MARCHF2: variants seen among roughly 807,000 people sequenced by gnomAD.
MARCHF2 encodes the protein membrane associated ring-CH-type finger 2.
Under a neutral mutation model 24.0 loss-of-function variants are expected in MARCHF2, and 22 were observed. The observed-to-expected ratio is 0.92, with a 90% CI of 0.66 to 1.31. The LOEUF (loss-of-function observed/expected upper bound fraction) is 1.31. Among genes scored for constraint, MARCHF2 ranks in the 50% most tolerant of loss-of-function variants. The pLI is 0.00. For missense variants in MARCHF2, 301 were observed against 335.3 expected (o/e 0.90, Z 0.80); for synonymous variants, 154 against 153.0 (o/e 1.01, Z -0.05).
Position 8,422,593 on chromosome 19 carries a change from A to G in MARCHF2, c.176+577A>G, listed in dbSNP as rs541039566. On this transcript the variant is annotated intron_variant, in intron 2 of 4. Transcript: ENST00000215555. ...CTTCTAGCAGAGACGGGGTTTCGCC[A>G]TGTTGGCCAGGCTGGTCTCAAACTC... Among the ~76,000 whole-genome samples, 8 of 151,278 alleles carry G rather than the reference A, an allele frequency of 5.3e-5. No homozygotes were observed. The South Asian group carries it at 1.7e-3, about 32-fold the overall frequency.
At chr19:8,424,796 G>T (rs376974771) in intron 2 of MARCHF2, among the ~76,000 whole-genome samples, 1 of 152,146 alleles carries the variant, frequency 6.6e-6, no homozygotes, top group Non-Finnish European at 1.5e-5. Flanking sequence ...CCTTGTGGCC[G>T]ACAGTTCTGG....
intron 4 of MARCHF2, among the ~76,000 whole-genome samples, chr19:8,433,207 G>C (rs948646966): frequency 1.3e-5 from 2 of 151,064 alleles, no homozygotes; most frequent in Admixed American, 1.3e-4. Flanking sequence ...GATAGAGCCT[G>C]ACCTTGTCTC....
intron 1 of MARCHF2, among the ~76,000 whole-genome samples, chr19:8,414,915 G>A (rs1453784464): frequency 6.6e-6 from 1 of 152,204 alleles, no homozygotes; most frequent in African/African-American, 2.4e-5. Flanking sequence ...GGCATAGCCA[G>A]GAGGGCCAGG....
Position 8,438,712 on chromosome 19 carries a change from G to T in MARCHF2, c.*166G>T. 5.1e-6 allele frequency: 3 copies of T among 593,398 alleles called. No individual in the cohort carries two copies. Among genetic ancestry groups the T allele is most frequent in the Non-Finnish European group, 8.5e-6 (3 of 351,824 alleles). The allele number at this position is 593,398 out of a possible 1,614,324, so 36.8% of individuals were successfully genotyped here. A position where few individuals can be genotyped will look rare whatever the true frequency, so the allele number is the denominator to read the frequency against. On this transcript the variant is annotated 3_prime_UTR_variant, in exon 5 of 5. Transcript: ENST00000215555. The stretch of plus-strand genomic sequence containing the variant: ...TGCAGAGCCTAGTCTGTGATCCTGT[G>T]TGAAGATATTTTCAGGGTTTTTTTT...
At position 8,426,425 on chromosome 19, in the gene MARCHF2, C is replaced by A. The variant is rs567662751; in HGVS notation, c.177-184C>A. On this transcript the variant is annotated intron_variant, in intron 2 of 4. Coordinates refer to ENST00000215555, the MANE Select transcript of MARCHF2 (RefSeq NM_001005415.2). Reference sequence around the variant, plus strand: ...CCTGTGGGAGTCTGGGAAGGCTTCGCAAGGTTACCTTCCCTGCATCTCCTT... The same window carrying A: ...CCTGTGGGAGTCTGGGAAGGCTTCGAAAGGTTACCTTCCCTGCATCTCCTT... Among the ~76,000 whole-genome samples the A allele has an allele frequency of 4.6e-3, 698 of 151,812 alleles. 1 individual carries two copies. Among genetic ancestry groups the A allele is most frequent in the Non-Finnish European group, 6.7e-3 (453 of 67,934 alleles).
intron 1 of MARCHF2, among the ~76,000 whole-genome samples, chr19:8,415,323 G>C (rs1375077792): frequency 6.6e-6 from 1 of 151,312 alleles, no homozygotes; most frequent in Non-Finnish European, 1.5e-5. Context: ...GGGGGCGGTG[G>C]AAGCTTCAGT....
At chr19:8,431,076 G>C (rs1011559053) in intron 4 of MARCHF2, among the ~76,000 whole-genome samples, 4 of 152,290 alleles carry the variant, frequency 2.6e-5, no homozygotes, top group Admixed American at 2.6e-4. Flanking sequence ...CCCTGAGCCA[G>C]GTGTGAACCT....
At chr19:8,422,143 A>G in intron 2 of MARCHF2, 127 bp downstream of exon 2, 1 of 966,376 alleles carries the variant, frequency 1.0e-6, no homozygotes, top group Non-Finnish European at 1.5e-6. Flanking sequence ...ATAGAGAAAG[A>G]GACACAAACA....
intron 1 of MARCHF2, among the ~76,000 whole-genome samples, chr19:8,418,237 T>C (rs1218872624): frequency 1.3e-5 from 2 of 152,176 alleles, no homozygotes; most frequent in Non-Finnish European, 2.9e-5. Context: ...GCAGGCACCC[T>C]GTGTCAGGCC....
intron 4 of MARCHF2, among the ~76,000 whole-genome samples, chr19:8,431,976 G>A (rs1374419557): frequency 1.3e-5 from 2 of 151,776 alleles, no homozygotes; most frequent in Non-Finnish European, 2.9e-5. Flanking sequence ...GGCCAACATG[G>A]TGAAACCCCA....
At chr19:8,418,056 G>A (rs1967131771) in intron 1 of MARCHF2, among the ~76,000 whole-genome samples, 1 of 151,820 alleles carries the variant, frequency 6.6e-6, no homozygotes, top group Non-Finnish European at 1.5e-5. Flanking sequence ...GAGTCACCAC[G>A]CCCGGCCAAG....
In MARCHF2 at chr19:8,434,793, G is replaced by A. The variant is rs191785780; in HGVS notation, c.583-3595G>A. 6.6e-5 allele frequency among the ~76,000 whole-genome samples: 10 copies of A among 152,088 alleles called. No individual in the cohort carries two copies. The East Asian group carries it at 1.5e-3, about 24-fold the overall frequency. ...GCAATCTCAGTTTACTGCAACTTCC[G>A]CCTCCCGGGTTCAAGCAGTCCTCAT... On this transcript the variant is annotated intron_variant, in intron 4 of 4. Transcript: ENST00000215555.
chr19:8,435,655 C>G (rs113550925), intron 4 of MARCHF2, among the ~76,000 whole-genome samples: 9,252 of 152,006 alleles, frequency 0.061, 615 homozygotes, highest in African/African-American at 0.16. Flanking sequence ...CCTCCCACCT[C>G]GGCCCTCCCA....
intron 1 of MARCHF2, among the ~76,000 whole-genome samples, chr19:8,420,169 A>C (rs1355607716): frequency 2.1e-5 from 3 of 140,242 alleles, no homozygotes; most frequent in Non-Finnish European, 4.8e-5. Flanking sequence ...AAAAATAAAT[A>C]AATAAATAAA....
intron 1 of MARCHF2, among the ~76,000 whole-genome samples, chr19:8,420,323 G>A (rs1347884485): frequency 1.3e-5 from 2 of 150,012 alleles, no homozygotes; most frequent in Non-Finnish European, 3.0e-5. Context: ...ACTCCAGCCT[G>A]GGCGACAAGA....
chr19:8,415,735 C>CAAAAAAAA (rs1230223487), intron 1 of MARCHF2, among the ~76,000 whole-genome samples: 2 of 96,724 alleles, frequency 2.1e-5, no homozygotes, highest in Non-Finnish European at 4.2e-5. Flanking sequence ...AAAAAAAAAA[C>CAAAAAAAA]AAAAAAAACA....
rs752808977 is a variant in MARCHF2 at position 8,422,032 on chromosome 19, G to T, written c.176+16G>T. On this transcript the variant is annotated intron_variant, in intron 2 of 4. Coordinates refer to ENST00000215555, the MANE Select transcript of MARCHF2 (RefSeq NM_001005415.2). ...ACACACCGAGGTGAGTGGTGACTGC[G>T]TGGATATCCTGGCCTTTGTTGCCTC... 5.6e-6 allele frequency: 9 copies of T among 1,593,180 alleles called. No homozygotes were observed. The highest frequency in any genetic ancestry group is 1.1e-5 in the South Asian group (1 of 88,666).
rs1162824005 is a variant in MARCHF2, at chr19:8,421,698, G to A, written c.-52-91G>A. 6.2e-6 allele frequency: 4 copies of A among 642,146 alleles called. No homozygotes were observed. The East Asian group carries it at 1.2e-4, about 19-fold the overall frequency. The allele number at this position is 642,146 out of a possible 1,614,324, so 39.8% of individuals were successfully genotyped here. A position where few individuals can be genotyped will look rare whatever the true frequency, so the allele number is the denominator to read the frequency against. On this transcript the variant is annotated intron_variant, in intron 1 of 4. Coordinates refer to ENST00000215555, the MANE Select transcript of MARCHF2 (RefSeq NM_001005415.2). ...GGCTCAGAGATGTAAATGGTCTAGT[G>A]GTCCCTACAGCCTTGACAAGAGGGG...
At chr19:8,420,731 G>C (rs1413113487) in intron 1 of MARCHF2, among the ~76,000 whole-genome samples, 2 of 152,032 alleles carry the variant, frequency 1.3e-5, no homozygotes, top group Non-Finnish European at 2.9e-5. Context: ...GCTCACTGCA[G>C]CCTCAAACTC....
Sources: allele counts gnomAD v4.1 joint callset (sites outside exome capture counted in the v4.1 genomes callset), GRCh38; gene constraint gnomAD v4.1.1; transcripts MANE v1.5; gene names NCBI Gene and HGNC (gene_info 2026-07-23, HGNC 2026-07-21).